SLC9A2: variants seen among roughly 807,000 people sequenced by gnomAD.
SLC9A2 encodes sodium/hydrogen exchanger 2.
A neutral mutation model predicts 71.7 loss-of-function variants in SLC9A2; 42 were observed. The observed-to-expected ratio is 0.59, with a 90% CI of 0.46 to 0.76. The LOEUF (loss-of-function observed/expected upper bound fraction) is 0.76. SLC9A2 is among the 30% of genes least tolerant of loss of function. SLC9A2 has a pLI of 0.00. For missense variants in SLC9A2, 829 were observed against 1,017.4 expected (o/e 0.81, Z 2.52); for synonymous variants, 396 against 392.5 (o/e 1.01, Z -0.10).
Position 102,657,755 on chromosome 2 carries a change from C to G in SLC9A2, c.481C>G (p.Pro161Ala), listed in dbSNP as rs1195165330. ...LDAGYFMPTRPFFENIGTIFW... is the reference protein window; with the variant it reads ...LDAGYFMPTRAFFENIGTIFW... ...TGCCGGCTATTTCATGCCCACTCGC[C>G]CATTCTTTGAGAACATTGGCACGAT... is the stretch of plus-strand genomic sequence containing the variant. Residue 161 changes from proline (P) to alanine (A), a missense_variant, in exon 2 of 12, where the codon CCA becomes GCA. Physicochemically the swap from Pro to Ala is conservative, Grantham distance 27. Coordinates refer to ENST00000233969, the MANE Select transcript of SLC9A2 (RefSeq NM_003048.6). The G allele has an allele frequency of 6.2e-7, 1 of 1,614,104 alleles. No individual in the cohort carries two copies. Among genetic ancestry groups the G allele is most frequent in the Non-Finnish European group, 8.5e-7 (1 of 1,180,036 alleles).
chr2:102,668,687 G>C (rs974186592), intron 3 of SLC9A2, among the ~76,000 whole-genome samples: 2 of 152,226 alleles, frequency 1.3e-5, no homozygotes, highest in African/African-American at 4.8e-5. Context: ...ACTAGGCAGA[G>C]AGGACAGGCA....
chr2:102,623,110 T>C (rs1330487600), intron 1 of SLC9A2, among the ~76,000 whole-genome samples: 2 of 152,196 alleles, frequency 1.3e-5, no homozygotes, highest in Non-Finnish European at 2.9e-5. Flanking sequence ...CTGTTCTAGT[T>C]GCCAGTTTCG....
Position 102,704,620 on chromosome 2 carries a change from G to C in SLC9A2, c.1922G>C (p.Arg641Pro). Reference protein sequence around the residue: ...RQAKEILIRRRHSLRESIRKD... With the variant: ...RQAKEILIRRPHSLRESIRKD... The stretch of plus-strand genomic sequence containing the variant: ...GCCAAGGAGATTCTGATTCGCCGGC[G>C]ACACAGTTTGCGAGAAAGCATTAGG... Residue 641 changes from arginine (R) to proline (P), a missense_variant, in exon 10 of 12, where the codon CGA (arginine) becomes CCA (proline). Physicochemically the swap from Arg to Pro is moderately radical, Grantham distance 103 (BLOSUM62 -2). This residue lies in a region of SLC9A2 where 500 missense variants were observed against 726.3 expected (regional missense o/e 0.69). Transcript: ENST00000233969. The C allele has an allele frequency of 6.2e-7, 1 of 1,613,594 alleles. No individual in the cohort carries two copies. Among genetic ancestry groups the C allele is most frequent in the Non-Finnish European group, 8.5e-7 (1 of 1,179,678 alleles).
At chr2:102,684,363 A>T in intron 5 of SLC9A2, 27 bp downstream of exon 5, 1 of 1,588,830 alleles carries the variant, frequency 6.3e-7, no homozygotes, top group South Asian at 1.1e-5. Flanking sequence ...CTTTACCAGG[A>T]GGGTAAAAAA....
chr2:102,650,302 A>G (rs1228377838), intron 1 of SLC9A2, among the ~76,000 whole-genome samples: 5 of 152,028 alleles, frequency 3.3e-5, no homozygotes, highest in Admixed American at 2.6e-4. Flanking sequence ...GGCCTTGAAC[A>G]TTATACACTG....
At chr2:102,687,204 A>T (rs866269841) in intron 5 of SLC9A2, among the ~76,000 whole-genome samples, 2 of 152,184 alleles carry the variant, frequency 1.3e-5, no homozygotes, top group South Asian at 4.2e-4. Context: ...GACTGCGTGC[A>T]TATTGCTTGG....
chr2:102,700,264 G>T (rs774978838), intron 7 of SLC9A2, among the ~76,000 whole-genome samples: 12 of 152,186 alleles, frequency 7.9e-5, no homozygotes, highest in Non-Finnish European at 1.6e-4. Context: ...TGGCCGAGAG[G>T]TTGGAGCTGG....
intron 1 of SLC9A2, among the ~76,000 whole-genome samples, chr2:102,639,171 G>T (rs897559385): frequency 6.6e-6 from 1 of 152,156 alleles, no homozygotes; most frequent in African/African-American, 2.4e-5. Flanking sequence ...GTGACAGAAT[G>T]AAACCCTGTC....
chr2:102,704,464 G>T, intron 9 of SLC9A2, 80 bp from the exon 10 acceptor site: 1 of 1,413,442 alleles, frequency 7.1e-7, no homozygotes, highest in South Asian at 1.2e-5. Context: ...AAGAAATGTG[G>T]TAAAGTCTTG....
rs1258293431 is a variant in SLC9A2, at chr2:102,710,610, A to C, written c.*2121A>C. The C allele has an allele frequency of 6.6e-6, 1 of 152,060 alleles. No homozygotes were observed. The highest frequency in any genetic ancestry group is 6.5e-5 in the Admixed American group (1 of 15,282). The allele number at this position is 152,060 out of a possible 1,614,324, so 9.4% of individuals were successfully genotyped here. ...TTAAATCTTAATTATTATCAGTTTA[A>C]ATTTTTTTTGTTTGTTGAATGACAA... On this transcript the variant is annotated 3_prime_UTR_variant, in exon 12 of 12. Coordinates refer to ENST00000233969, the MANE Select transcript of SLC9A2 (RefSeq NM_003048.6).
chr2:102,631,202 A>G (rs1309851450), intron 1 of SLC9A2, among the ~76,000 whole-genome samples: 3 of 152,020 alleles, frequency 2.0e-5, no homozygotes, highest in African/African-American at 7.2e-5. Flanking sequence ...CTGGAATTTT[A>G]TACTTCATGG....
intron 1 of SLC9A2, among the ~76,000 whole-genome samples, chr2:102,636,806 C>T (rs1676477215): frequency 6.6e-6 from 1 of 152,082 alleles, no homozygotes; most frequent in Non-Finnish European, 1.5e-5. Context: ...CCCTAGTGGC[C>T]CTTCCCCCAG....
intron 1 of SLC9A2, among the ~76,000 whole-genome samples, chr2:102,655,435 T>C (rs1400075666): frequency 6.6e-6 from 1 of 152,200 alleles, no homozygotes; most frequent in African/African-American, 2.4e-5. Flanking sequence ...ATTACAGGTG[T>C]GAGTCACCAC....
At chr2:102,695,548 A>G (rs1171941787) in intron 7 of SLC9A2, among the ~76,000 whole-genome samples, 2 of 151,772 alleles carry the variant, frequency 1.3e-5, no homozygotes, top group East Asian at 3.9e-4. Context: ...AACTGAAACC[A>G]TCAGAAGCTG....
chr2:102,651,210 C>T (rs1558707708), intron 1 of SLC9A2, among the ~76,000 whole-genome samples: 1 of 152,208 alleles, frequency 6.6e-6, no homozygotes, highest in Non-Finnish European at 1.5e-5. Flanking sequence ...GAAAAAGACT[C>T]CTCACTGGCC....
intron 5 of SLC9A2, among the ~76,000 whole-genome samples, chr2:102,687,855 T>C (rs1201650799): frequency 6.6e-6 from 1 of 152,110 alleles, no homozygotes; most frequent in Non-Finnish European, 1.5e-5. Context: ...CTTGGCTCAC[T>C]GCAACCTCTG....
At chr2:102,681,152 A>G (rs1027318131) in intron 3 of SLC9A2, among the ~76,000 whole-genome samples, 3 of 152,204 alleles carry the variant, frequency 2.0e-5, no homozygotes, top group African/African-American at 4.8e-5. Flanking sequence ...GATAAGCCAC[A>G]GCTTGGTGGG....
At chr2:102,687,128 G>T (rs1677561637) in intron 5 of SLC9A2, among the ~76,000 whole-genome samples, 1 of 152,162 alleles carries the variant, frequency 6.6e-6, no homozygotes, top group Non-Finnish European at 1.5e-5. Flanking sequence ...AATTGCTGCG[G>T]TTCCACTTGT....
chr2:102,708,648 G>A lies in SLC9A2; in HGVS notation c.*159G>A, dbSNP rs1010505564. 1.3e-6 allele frequency: 1 copy of A among 769,586 alleles called. No homozygotes were observed. The allele number at this position is 769,586 out of a possible 1,614,324, so 47.7% of individuals were successfully genotyped here. On this transcript the variant is annotated 3_prime_UTR_variant, in exon 12 of 12. Coordinates refer to ENST00000233969, the MANE Select transcript of SLC9A2 (RefSeq NM_003048.6). ...TGCCACGGATAAATGAGGCAAATCC[G>A]AAGAAAAGGAAAATCGAATAAAAAA...
Sources: allele counts gnomAD v4.1 joint callset (sites outside exome capture counted in the v4.1 genomes callset), GRCh38; gene constraint gnomAD v4.1.1; regional missense constraint gnomAD v4.1.1; transcripts MANE v1.5; gene names NCBI Gene and HGNC (gene_info 2026-07-23, HGNC 2026-07-21).